Variants in FSD1L observed in about 807,000 individuals in gnomAD.
FSD1L encodes the protein FSD1-like protein.
FSD1L carries 45 observed loss-of-function variants against 71.6 expected under a neutral mutation model. The observed-to-expected ratio is 0.63, with a 90% CI of 0.49 to 0.81. FSD1L has a LOEUF of 0.81. FSD1L is among the 30% of genes least tolerant of loss of function. FSD1L has a pLI of 0.00. For synonymous variants in FSD1L, 197 were observed against 207.2 expected, an observed-to-expected ratio of 0.95 and a Z score of 0.42; for missense variants, 561 against 618.1, an observed-to-expected ratio of 0.91 and a Z score of 0.98.
chr9:105,537,727 C>T (rs533738336), intron 12 of FSD1L, among the ~76,000 whole-genome samples: 5 of 152,082 alleles, frequency 3.3e-5, no homozygotes, highest in East Asian at 3.9e-4. Context: ...TGGAAGAGAT[C>T]GAAAGCATAG....
At chr9:105,463,930 C>T (rs1418950370) in intron 2 of FSD1L, among the ~76,000 whole-genome samples, 1 of 152,072 alleles carries the variant, frequency 6.6e-6, no homozygotes, top group Non-Finnish European at 1.5e-5. Flanking sequence ...TGCTCTATTC[C>T]ATTGTCATGG....
chr9:105,484,627 A>G, intron 7 of FSD1L, 125 bp downstream of exon 7: 2 of 541,646 alleles, frequency 3.7e-6, no homozygotes, highest in Non-Finnish European at 5.8e-6. Flanking sequence ...TCATTCAGCT[A>G]AGGAATAATT....
chr9:105,498,152 G>A (rs1009760366), intron 7 of FSD1L, among the ~76,000 whole-genome samples: 35 of 150,468 alleles, frequency 2.3e-4, no homozygotes, highest in African/African-American at 7.8e-4. Context: ...CCTGATTTTT[G>A]TTCTAATTTT....
chr9:105,461,616 G>T lies in FSD1L; in HGVS notation c.111+1G>T. On this transcript the variant is annotated splice_donor_variant, in intron 2 of 13. Transcript: ENST00000481272. LOFTEE classifies it high-confidence loss of function. ...ACCAGAGTCTATTAACTTGCAGCAG[G>T]TTGGTAGCTCTTAAAGGAGCAGAGG... is the stretch of plus-strand genomic sequence containing the variant. The T allele has an allele frequency of 6.5e-7, 1 of 1,539,048 alleles. No individual in the cohort carries two copies. The highest frequency in any genetic ancestry group is 8.8e-7 in the Non-Finnish European group (1 of 1,135,450).
At chr9:105,449,235 T>A (rs1829834195) in intron 1 of FSD1L, among the ~76,000 whole-genome samples, 1 of 152,204 alleles carries the variant, frequency 6.6e-6, no homozygotes, top group East Asian at 1.9e-4. Flanking sequence ...ACTGAGGGCA[T>A]GAGAGAATAA....
At position 105,550,993 on chromosome 9, in the gene FSD1L, A is replaced by AGCTTATT. The variant is rs1837239434; in HGVS notation, c.*4511_*4517dup. On this transcript the variant is annotated 3_prime_UTR_variant, in exon 14 of 14. Transcript: ENST00000481272. Reference sequence around the variant, plus strand: ...CGTGAATGTGTTTGCTTTGGCTTGGAGCTTATTAAGTTTTGACTACGGTTA... The same window carrying AGCTTATT: ...CGTGAATGTGTTTGCTTTGGCTTGGAGCTTATTGCTTATTAAGTTTTGACTACGGTTA... 6.6e-6 allele frequency: 1 copy of AGCTTATT among 152,098 alleles called. No individual in the cohort carries two copies. Among genetic ancestry groups the AGCTTATT allele is most frequent in the Non-Finnish European group, 1.5e-5 (1 of 67,988 alleles). 9.4% of individuals were successfully genotyped at this position (152,098 alleles called of 1,614,324 possible).
chr9:105,501,105 C>G (rs964015168), intron 7 of FSD1L, among the ~76,000 whole-genome samples: 1 of 152,188 alleles, frequency 6.6e-6, no homozygotes. Flanking sequence ...GATTCTGATT[C>G]AAGAGTCTTA....
chr9:105,484,304 T>A, intron 6 of FSD1L, 77 bp from the exon 7 acceptor site: 2 of 1,141,844 alleles, frequency 1.8e-6, no homozygotes, highest in Non-Finnish European at 2.3e-6. Context: ...ATAATTTGTC[T>A]TTTCATTTTA....
At chr9:105,481,181 T>G (rs1220112149) in intron 6 of FSD1L, among the ~76,000 whole-genome samples, 2 of 56,212 alleles carry the variant, frequency 3.6e-5, no homozygotes, top group Non-Finnish European at 6.6e-5. Context: ...GTGTGTGTGG[T>G]TCTTTTTTTT....
At chr9:105,526,333 C>A in intron 10 of FSD1L, 5 of 1,611,634 alleles carry the variant, frequency 3.1e-6, no homozygotes, top group Non-Finnish European at 4.2e-6. Flanking sequence ...TCCCTACCAC[C>A]ATTTACCATC....
chr9:105,506,253 T>C, intron 7 of FSD1L, 146 bp from the exon 8 acceptor site: 2 of 608,240 alleles, frequency 3.3e-6, no homozygotes, highest in East Asian at 5.7e-5. Flanking sequence ...TTATGGGCTT[T>C]CCTTTTGCTT....
intron 5 of FSD1L, among the ~76,000 whole-genome samples, chr9:105,475,006 T>A (rs750640962): frequency 8.0e-4 from 122 of 152,348 alleles, no homozygotes; most frequent in Non-Finnish European, 1.5e-3. Context: ...GGGATCCAGA[T>A]CATTAGCTTT....
At chr9:105,535,024 TAAGG>T (rs758078773) in intron 11 of FSD1L, 39 bp from the exon 12 acceptor site, 1 of 1,547,472 alleles carries the variant, frequency 6.5e-7, no homozygotes, top group African/African-American at 1.4e-5. Context: ...GTGTGACTCA[TAAGG>T]AAGAGATGAG....
intron 10 of FSD1L, chr9:105,525,390 T>C (rs887452129): frequency 2.2e-5 from 36 of 1,602,492 alleles, no homozygotes; most frequent in Non-Finnish European, 3.0e-5. Flanking sequence ...TGTGCATTTC[T>C]GAAAAACAAG....
At chr9:105,522,467 T>C in intron 10 of FSD1L, 1 of 1,613,814 alleles carries the variant, frequency 6.2e-7, no homozygotes, top group South Asian at 1.1e-5. Context: ...CAACAACCAC[T>C]GGTTCTCCAG....
chr9:105,529,107 A>T (rs543573021), intron 10 of FSD1L, among the ~76,000 whole-genome samples: 3 of 152,238 alleles, frequency 2.0e-5, no homozygotes, highest in African/African-American at 7.2e-5. Context: ...ATCATGAAAA[A>T]GTCAGGAAAC....
intron 10 of FSD1L, chr9:105,522,020 C>CA (rs1835198530): frequency 6.2e-7 from 1 of 1,613,128 alleles, no homozygotes; most frequent in Non-Finnish European, 8.5e-7. Context: ...TGCTCAGAGT[C>CA]ACGGAATCTG....
rs1241349504 is a variant in FSD1L, at chr9:105,548,946, G to A, written c.*2463G>A. ...AGTTTGTCATCCTCATTTTCAAACTGAAAACTAATCAAATATAGTGCCTAT... is the reference window on the plus strand; with the variant it reads ...AGTTTGTCATCCTCATTTTCAAACTAAAAACTAATCAAATATAGTGCCTAT... On this transcript the variant is annotated 3_prime_UTR_variant, in exon 14 of 14. Transcript: ENST00000481272. The A allele has an allele frequency of 1.3e-5, 2 of 151,938 alleles. No homozygotes were observed. The highest frequency in any genetic ancestry group is 2.4e-5 in the African/African-American group (1 of 41,406). 9.4% of individuals were successfully genotyped at this position (151,938 alleles called of 1,614,324 possible). A position where few individuals can be genotyped will look rare whatever the true frequency, so the allele number is the denominator to read the frequency against.
upstream of FSD1L, chr9:105,447,820 G>A (rs146960276): frequency 2.5e-3 from 734 of 297,110 alleles, 3 homozygotes; most frequent in Middle Eastern, 0.02. Context: ...CCTCCGCACC[G>A]GCCGGCTGCT....
Sources: allele counts gnomAD v4.1 joint callset (sites outside exome capture counted in the v4.1 genomes callset), GRCh38; gene constraint gnomAD v4.1.1; transcripts MANE v1.5; gene names NCBI Gene and HGNC (gene_info 2026-07-23, HGNC 2026-07-21).